The following CHST15 variants were observed in gnomAD, a reference collection of about 807,000 sequenced individuals.
CHST15 encodes the protein carbohydrate sulfotransferase 15.
A neutral mutation model predicts 53.6 loss-of-function variants in CHST15; 30 were observed. The ratio of observed to expected loss-of-function variants is 0.56; its 90% CI spans 0.42 to 0.76. CHST15 has a LOEUF of 0.76. Among genes scored for constraint, CHST15 ranks in the 30% least tolerant of loss-of-function variants. The pLI is 0.00. For missense variants in CHST15, 627 were observed against 740.5 expected, an observed-to-expected ratio of 0.85 and a Z score of 1.78; for synonymous variants, 296 against 289.8, an observed-to-expected ratio of 1.02 and a Z score of -0.22.
rs967538770 is a variant in CHST15 at position 124,036,034 on chromosome 10, G to A, written c.1190+2481C>T. On this transcript the variant is annotated intron_variant, in intron 5 of 7. Transcript: ENST00000435907. The surrounding 1 kb of genome is among the most constrained non-coding windows in gnomAD (Gnocchi z 5.1). ...GCTGTGTGCACTCTCGGCCCCTGAGGTTAAGGCGTGGTCTGACCTTTCTCA... is the reference window on the plus strand; with the variant it reads ...GCTGTGTGCACTCTCGGCCCCTGAGATTAAGGCGTGGTCTGACCTTTCTCA... Among the ~76,000 whole-genome samples, 29 of 152,390 alleles carry A rather than the reference G, an allele frequency of 1.9e-4. No individual in the cohort carries two copies. The highest frequency in any genetic ancestry group is 6.7e-4 in the African/African-American group (28 of 41,600).
At chr10:124,057,434 T>C (rs966149816) in intron 1 of CHST15, among the ~76,000 whole-genome samples, 7 of 152,164 alleles carry the variant, frequency 4.6e-5, no homozygotes, top group Admixed American at 2.6e-4. Flanking sequence ...ACACCTACTA[T>C]GTGCAGGGCT....
chr10:124,068,183 C>A (rs763910518), intron 1 of CHST15, among the ~76,000 whole-genome samples: 1 of 152,142 alleles, frequency 6.6e-6, no homozygotes, highest in Non-Finnish European at 1.5e-5. Flanking sequence ...TCAGTCCCCA[C>A]GCTGCAGTGG....
chr10:124,012,879 C>T (rs1447579346), intron 6 of CHST15, among the ~76,000 whole-genome samples: 1 of 152,128 alleles, frequency 6.6e-6, no homozygotes, highest in Non-Finnish European at 1.5e-5. Flanking sequence ...AAAAATCAAC[C>T]ACAGACACCC....
At chr10:124,041,526 C>T (rs1265473871) in intron 4 of CHST15, among the ~76,000 whole-genome samples, 4 of 152,054 alleles carry the variant, frequency 2.6e-5, no homozygotes, top group Non-Finnish European at 4.4e-5. Context: ...ATTTCAGGTG[C>T]TTTTACCACA....
chr10:124,044,471 G>T, intron 3 of CHST15, 109 bp downstream of exon 3: 1 of 875,834 alleles, frequency 1.1e-6, no homozygotes, highest in Non-Finnish European at 1.6e-6. Context: ...AGGGAATTGT[G>T]CCATCTCTTT....
At chr10:124,059,844 C>T (rs893754590) in intron 1 of CHST15, among the ~76,000 whole-genome samples, 7 of 152,116 alleles carry the variant, frequency 4.6e-5, no homozygotes, top group East Asian at 1.9e-4. Flanking sequence ...ATGAGAAGAA[C>T]GGCCTGAAAA....
chr10:124,062,350 C>T (rs564800540), intron 1 of CHST15, among the ~76,000 whole-genome samples: 6 of 152,290 alleles, frequency 3.9e-5, no homozygotes, highest in Admixed American at 2.6e-4. Context: ...GAAAGAGAAA[C>T]ATGGCGGGGA....
At chr10:124,064,428 G>C (rs115684352) in intron 1 of CHST15, among the ~76,000 whole-genome samples, 1 of 152,156 alleles carries the variant, frequency 6.6e-6, no homozygotes. Context: ...CAGTGGCCAC[G>C]GAGCAGAACG....
intron 3 of CHST15, among the ~76,000 whole-genome samples, chr10:124,044,010 G>A (rs996312753): frequency 8.6e-5 from 13 of 150,296 alleles, no homozygotes; most frequent in African/African-American, 3.0e-4. Flanking sequence ...GCACAGAGCA[G>A]GGAGCAGCAC....
rs1040530500 is a variant in CHST15, at chr10:124,019,736, C to A, written c.1347+1520G>T. 3.1e-6 allele frequency: 3 copies of A among 973,378 alleles called. No individual in the cohort carries two copies. Among genetic ancestry groups the A allele is most frequent in the African/African-American group, 3.5e-5 (2 of 56,984 alleles). 60.3% of individuals were successfully genotyped at this position (973,378 alleles called of 1,614,324 possible). ...TATTCCTTTTCCACTCCTACACTAT[C>A]TTCTGCTTAAAACCCTCTGAGGGGT... On this transcript the variant is annotated intron_variant, in intron 6 of 7. Transcript: ENST00000435907. The surrounding 1 kb of genome is among the most constrained non-coding windows in gnomAD (Gnocchi z 4.6).
chr10:124,010,846 G>A, intron 7 of CHST15: 1 of 985,476 alleles, frequency 1.0e-6, no homozygotes, highest in Non-Finnish European at 1.2e-6. Flanking sequence ...AGTGGCCATA[G>A]GGAGGAGGGC....
At position 124,009,102 on chromosome 10, in the gene CHST15, T is replaced by C; in HGVS notation, c.*1047A>G. 1 of 1,262,122 alleles carries C rather than the reference T, an allele frequency of 7.9e-7. No individual in the cohort carries two copies. Among genetic ancestry groups the C allele is most frequent in the Non-Finnish European group, 1.0e-6 (1 of 967,540 alleles). 78.2% of individuals were successfully genotyped at this position (1,262,122 alleles called of 1,614,324 possible). On this transcript the variant is annotated 3_prime_UTR_variant, in exon 8 of 8. Coordinates refer to ENST00000435907, the MANE Select transcript of CHST15 (RefSeq NM_001270764.2). ...CGCAGTGGAGAATGTGGAAATAAAC[T>C]ATTTCCAATGGGAAGGCAGAGAAAT...
chr10:124,047,946 C>T (rs1948060993), intron 1 of CHST15, among the ~76,000 whole-genome samples: 1 of 152,236 alleles, frequency 6.6e-6, no homozygotes, highest in African/African-American at 2.4e-5. Flanking sequence ...CGCCACCCCT[C>T]AAACAACCCT....
chr10:124,033,814 C>A (rs1047958703), intron 5 of CHST15, among the ~76,000 whole-genome samples: 1 of 152,170 alleles, frequency 6.6e-6, no homozygotes, highest in Admixed American at 6.5e-5. Context: ...ATTGACGACC[C>A]CCAGCCTGAT....
Position 124,019,804 on chromosome 10 carries a change from G to C in CHST15, c.1347+1452C>G. 1 of 985,534 alleles carries C rather than the reference G, an allele frequency of 1.0e-6. No homozygotes were observed. The highest frequency in any genetic ancestry group is 4.7e-5 in the South Asian group (1 of 21,294). The allele number at this position is 985,534 out of a possible 1,614,324, so 61.0% of individuals were successfully genotyped here. On this transcript the variant is annotated intron_variant, in intron 6 of 7. Coordinates refer to ENST00000435907, the MANE Select transcript of CHST15 (RefSeq NM_001270764.2). This position sits in a 1 kb window ranked among gnomAD's most constrained non-coding sequence, Gnocchi z 4.6. The stretch of plus-strand genomic sequence containing the variant: ...GATGTCTAGACTTCTTCTGAGGCTA[G>C]ACCAGGTGGTGCGGCCCCATGTGCC...
intron 5 of CHST15, among the ~76,000 whole-genome samples, chr10:124,029,762 A>G (rs958331763): frequency 6.6e-5 from 10 of 152,148 alleles, no homozygotes; most frequent in African/African-American, 2.4e-4. Context: ...GCCACTGCAC[A>G]CCGGGGCGGG....
intron 6 of CHST15, among the ~76,000 whole-genome samples, chr10:124,016,908 G>A (rs144539472): frequency 4.8e-4 from 73 of 152,244 alleles, no homozygotes; most frequent in Non-Finnish European, 9.3e-4. Flanking sequence ...TCACGATGGT[G>A]CCCATGAACT....
At chr10:124,061,622 C>A (rs914069729) in intron 1 of CHST15, among the ~76,000 whole-genome samples, 2 of 152,138 alleles carry the variant, frequency 1.3e-5, no homozygotes, top group Admixed American at 6.5e-5. Context: ...ATCTTGCTTC[C>A]AATTTTACTT....
chr10:124,048,186 T>C (rs1948067538), intron 1 of CHST15, among the ~76,000 whole-genome samples: 1 of 152,220 alleles, frequency 6.6e-6, no homozygotes, highest in Non-Finnish European at 1.5e-5. Flanking sequence ...TGTGCTTAAA[T>C]TATTTGGAGA....
Sources: gnomAD v4.1 joint callset for allele counts (sites outside exome capture counted in the v4.1 genomes callset) on GRCh38, gnomAD v4.1.1 for gene constraint, Gnocchi (gnomAD v3.1) non-coding constraint, MANE v1.5 for transcripts, NCBI Gene and HGNC (gene_info 2026-07-23, HGNC 2026-07-21) for gene names.